SFSWAP: variants seen among roughly 807,000 people sequenced by gnomAD.
SFSWAP encodes the protein splicing factor SWAP.
SFSWAP carries 17 observed loss-of-function variants against 100.7 expected under a neutral mutation model. The observed-to-expected ratio is 0.17, with a 90% CI of 0.12 to 0.25. The LOEUF (loss-of-function observed/expected upper bound fraction) is 0.25, where lower values mean the gene tolerates loss of function less well. SFSWAP is among the 10% of genes least tolerant of loss of function. The pLI, the probability that SFSWAP is intolerant of heterozygous loss-of-function variation, is 1.00. For missense variants in SFSWAP, 1,005 were observed against 1,262.6 expected, an observed-to-expected ratio of 0.80 and a Z score of 3.09; for synonymous variants, 504 against 510.1, an observed-to-expected ratio of 0.99 and a Z score of 0.16.
At chr12:131,720,022 A>AC (rs1441270104) in intron 4 of SFSWAP, among the ~76,000 whole-genome samples, 1 of 152,120 alleles carries the variant, frequency 6.6e-6, no homozygotes, top group African/African-American at 2.4e-5. Context: ...GGCCCAGGCC[A>AC]CCCTTCCACT....
intron 3 of SFSWAP, among the ~76,000 whole-genome samples, chr12:131,717,879 C>T (rs990151602): frequency 1.1e-4 from 16 of 152,094 alleles, no homozygotes; most frequent in Non-Finnish European, 1.8e-4. Context: ...TACAGGCGCC[C>T]GCCACCACAA....
At chr12:131,781,939 G>A (rs1189513996) in intron 14 of SFSWAP, among the ~76,000 whole-genome samples, 3 of 152,192 alleles carry the variant, frequency 2.0e-5, no homozygotes, top group African/African-American at 7.2e-5. Flanking sequence ...AAGTTCTACC[G>A]TGGGTGCTGG....
intron 3 of SFSWAP, among the ~76,000 whole-genome samples, chr12:131,717,847 T>C (rs940034843): frequency 2.6e-5 from 4 of 152,180 alleles, no homozygotes; most frequent in Admixed American, 2.6e-4. Context: ...TCTTGTGCTT[T>C]AGCCTCCCAA....
At chr12:131,793,578 G>C (rs1885427152) in intron 15 of SFSWAP, among the ~76,000 whole-genome samples, 1 of 152,114 alleles carries the variant, frequency 6.6e-6, no homozygotes, top group South Asian at 2.1e-4. Context: ...TTAAGATGTA[G>C]AAACTCCTCT....
At position 131,766,265 on chromosome 12, in the gene SFSWAP, A is replaced by G; in HGVS notation, c.2099A>G (p.Glu700Gly). ...FLQTLKNPLP[E>G]AEAGKIEESP... The stretch of plus-strand genomic sequence containing the variant: ...CAGACCCTCAAAAATCCTCTGCCGG[A>G]AGCAGAAGCTGGGAAAATTGAGGAG... The change falls in exon 13 of 18, where the codon GAA (glutamate) becomes GGA (glycine). Residue 700 changes from glutamate (E) to glycine (G), a missense_variant. By Grantham distance (98) the Glu-to-Gly change is moderately conservative. Transcript: ENST00000261674. 1 of 1,614,176 alleles carries G rather than the reference A, an allele frequency of 6.2e-7. No individual in the cohort carries two copies. The highest frequency in any genetic ancestry group is 8.5e-7 in the Non-Finnish European group (1 of 1,180,038).
rs548732369 is a variant in SFSWAP, at chr12:131,719,491, G to A, written c.558G>A (p.Glu186=). 8.2e-5 allele frequency: 133 copies of A among 1,614,156 alleles called. 3 individuals carry two copies. The South Asian group carries it at 1.3e-3, about 16-fold the overall frequency. The change falls in exon 4 of 18, where the codon GAG becomes GAA. Residue 186 remains glutamate (E), a synonymous_variant. Coordinates refer to ENST00000261674, the MANE Select transcript of SFSWAP (RefSeq NM_004592.4). ...CCGAAAATTTAGAGGAAAATGAAGA[G>A]CCCTTCGTTGCCCCCTTAGGATTGA... The part of the protein sequence containing the change: ...NEAENLEENE[E]PFVAPLGLSV...
intron 7 of SFSWAP, among the ~76,000 whole-genome samples, chr12:131,731,263 C>T (rs914673133): frequency 6.6e-6 from 1 of 152,248 alleles, no homozygotes; most frequent in Admixed American, 6.5e-5. Flanking sequence ...CAAGCCCGGG[C>T]AGTGCGGCCA....
At chr12:131,792,641 A>G (rs1885350191) in intron 15 of SFSWAP, among the ~76,000 whole-genome samples, 2 of 151,790 alleles carry the variant, frequency 1.3e-5, no homozygotes, top group South Asian at 4.2e-4. Context: ...GTACTGGTGC[A>G]CATGCATGTG....
In SFSWAP at chr12:131,778,038, A is replaced by G; in HGVS notation, c.2143-27A>G. ...CTTCAATGTTCTGTTTTCCCTGTTA[A>G]CACCCAGATTTTCCTTTTATTCTTA... is the stretch of plus-strand genomic sequence containing the variant. On this transcript the variant is annotated intron_variant, in intron 13 of 17. Coordinates refer to ENST00000261674, the MANE Select transcript of SFSWAP (RefSeq NM_004592.4). This position sits in a 1 kb window ranked among gnomAD's most constrained non-coding sequence, Gnocchi z 4.2. 6.3e-7 allele frequency: 1 copy of G among 1,586,342 alleles called. No homozygotes were observed. The highest frequency in any genetic ancestry group is 1.4e-5 in the African/African-American group (1 of 72,826).
chr12:131,752,914 G>C (rs1308006257), intron 7 of SFSWAP, among the ~76,000 whole-genome samples: 1 of 152,184 alleles, frequency 6.6e-6, no homozygotes, highest in Admixed American at 6.5e-5. Flanking sequence ...TCTGTCTTTG[G>C]ATGCGTGTTG....
chr12:131,735,404 G>A (rs1005577882), intron 7 of SFSWAP, among the ~76,000 whole-genome samples: 7 of 152,174 alleles, frequency 4.6e-5, no homozygotes, highest in African/African-American at 9.7e-5. Flanking sequence ...GCACTCTATC[G>A]TATTCTGAAT....
At chr12:131,770,246 G>A (rs1054032829) in intron 13 of SFSWAP, among the ~76,000 whole-genome samples, 2 of 152,278 alleles carry the variant, frequency 1.3e-5, no homozygotes, top group African/African-American at 4.8e-5. Flanking sequence ...TGAAATTCTC[G>A]GAGTCCAGGA....
At chr12:131,782,404 G>A (rs1483829222) in intron 14 of SFSWAP, among the ~76,000 whole-genome samples, 3 of 152,170 alleles carry the variant, frequency 2.0e-5, no homozygotes, top group Non-Finnish European at 4.4e-5. Context: ...GAGTATAAAA[G>A]ATAACTAAAT....
At chr12:131,784,871 G>A in intron 14 of SFSWAP, 1 of 438,346 alleles carries the variant, frequency 2.3e-6, no homozygotes, top group African/African-American at 2.0e-5. Flanking sequence ...TGACAAAATG[G>A]TATTGTATTT....
chr12:131,786,183 C>T (rs915048344), intron 14 of SFSWAP, among the ~76,000 whole-genome samples: 3 of 152,154 alleles, frequency 2.0e-5, no homozygotes, highest in African/African-American at 4.8e-5. Flanking sequence ...CCAGCCTCCA[C>T]GCCAGTTGCA....
chr12:131,773,382 C>A (rs956279204), intron 13 of SFSWAP, among the ~76,000 whole-genome samples: 4 of 151,704 alleles, frequency 2.6e-5, no homozygotes, highest in African/African-American at 4.9e-5. Context: ...CTCTGTCGCC[C>A]GAGCTAGAAT....
chr12:131,749,920 G>A (rs1186880526), intron 7 of SFSWAP, among the ~76,000 whole-genome samples: 1 of 152,270 alleles, frequency 6.6e-6, no homozygotes, highest in Non-Finnish European at 1.5e-5. Context: ...TGCCAAGGAG[G>A]CAGAGGCTTC....
At chr12:131,740,399 A>G (rs998087579) in intron 7 of SFSWAP, among the ~76,000 whole-genome samples, 5 of 152,156 alleles carry the variant, frequency 3.3e-5, no homozygotes, top group East Asian at 3.8e-4. Flanking sequence ...TTCTGACCCA[A>G]CACATCTGAG....
intron 3 of SFSWAP, 91 bp downstream of exon 3, chr12:131,715,044 C>T: frequency 7.5e-7 from 1 of 1,337,952 alleles, no homozygotes. Context: ...GAACACATCT[C>T]TGGCACTCAT....
Sources: allele counts gnomAD v4.1 joint callset (sites outside exome capture counted in the v4.1 genomes callset), GRCh38; gene constraint gnomAD v4.1.1; non-coding constraint Gnocchi (gnomAD v3.1); transcripts MANE v1.5; gene names NCBI Gene and HGNC (gene_info 2026-07-23, HGNC 2026-07-21).